Variants in CACNA1C observed in about 807,000 individuals in gnomAD.
CACNA1C encodes calcium voltage-gated channel subunit alpha1 C.
A neutral mutation model predicts 229.0 loss-of-function variants in CACNA1C; 30 were observed. The ratio of observed to expected loss-of-function variants is 0.13; its 90% CI spans 0.10 to 0.18. The LOEUF is 0.18. CACNA1C is among the 10% of genes least tolerant of loss of function. CACNA1C has a pLI of 1.00. For missense variants in CACNA1C, 1,658 were observed against 2,845.0 expected (o/e 0.58, Z 9.49); for synonymous variants, 1,114 against 1,132.5 (o/e 0.98, Z 0.33).
At chr12:2,662,753 T>C (rs891319994) in intron 34 of CACNA1C, among the ~76,000 whole-genome samples, 3 of 152,204 alleles carry the variant, frequency 2.0e-5, no homozygotes, top group African/African-American at 7.2e-5. Context: ...GGCAACTTAC[T>C]ATGCAGACAA....
At chr12:1,998,813 T>G (rs953816299) in intron 1 of CACNA1C, among the ~76,000 whole-genome samples, 13 of 152,248 alleles carry the variant, frequency 8.5e-5, no homozygotes, top group Non-Finnish European at 2.9e-5. Context: ...GAATTTAAAA[T>G]GTACTTTTGC....
chr12:1,991,406 G>A (rs1439628515), intron 1 of CACNA1C: 8 of 240,356 alleles, frequency 3.3e-5, no homozygotes, highest in East Asian at 2.0e-4. Context: ...GGGGAACCAC[G>A]AACGTGAGCC....
intron 1 of CACNA1C, among the ~76,000 whole-genome samples, chr12:1,998,966 C>G (rs2041560142): frequency 1.3e-5 from 2 of 152,178 alleles, no homozygotes; most frequent in Non-Finnish European, 2.9e-5. Flanking sequence ...AATGTCAAAA[C>G]AGCAGTTTTT....
intron 3 of CACNA1C, among the ~76,000 whole-genome samples, chr12:2,409,425 C>T (rs952650633): frequency 2.0e-5 from 3 of 152,174 alleles, no homozygotes; most frequent in Non-Finnish European, 4.4e-5. Context: ...TCAAGAGCAC[C>T]GTCAGACCAG....
intron 3 of CACNA1C, among the ~76,000 whole-genome samples, chr12:2,225,849 A>G (rs2062804605): frequency 6.6e-6 from 1 of 152,190 alleles, no homozygotes; most frequent in Non-Finnish European, 1.5e-5. Context: ...AGCTGGATGG[A>G]AACCACATGG....
At chr12:2,150,777 A>C (rs2095173471) in intron 3 of CACNA1C, among the ~76,000 whole-genome samples, 1 of 152,178 alleles carries the variant, frequency 6.6e-6, no homozygotes, top group African/African-American at 2.4e-5. Flanking sequence ...CTCTCCTTTG[A>C]GAGGTAGAGA....
At chr12:2,433,075 G>A (rs185544625) in intron 3 of CACNA1C, among the ~76,000 whole-genome samples, 205 of 152,344 alleles carry the variant, frequency 1.3e-3, no homozygotes, top group African/African-American at 4.0e-3. Context: ...CGCGTTTGAC[G>A]TGTGTGCTGA....
intron 5 of CACNA1C, among the ~76,000 whole-genome samples, chr12:2,466,328 C>T (rs537001609): frequency 2.8e-4 from 43 of 152,320 alleles, no homozygotes; most frequent in African/African-American, 1.0e-3. Context: ...CAGTTGGTGC[C>T]GCATTGTGCA....
chr12:2,345,713 T>C (rs2096993297), intron 3 of CACNA1C, among the ~76,000 whole-genome samples: 2 of 152,196 alleles, frequency 1.3e-5, no homozygotes, highest in South Asian at 4.1e-4. Context: ...TCTCTGCAGG[T>C]TGATCTAGGC....
intron 3 of CACNA1C, among the ~76,000 whole-genome samples, chr12:2,438,588 G>T (rs1220934593): frequency 1.3e-5 from 2 of 152,034 alleles, no homozygotes; most frequent in African/African-American, 4.8e-5. Flanking sequence ...TGCCTGGTTT[G>T]GGTGTGGTGA....
At chr12:2,135,134 T>C (rs1462207644) in intron 3 of CACNA1C, among the ~76,000 whole-genome samples, 1 of 148,200 alleles carries the variant, frequency 6.7e-6, no homozygotes, top group Non-Finnish European at 1.5e-5. Flanking sequence ...CATGTAGTTC[T>C]TGAGCCTTGG....
chr12:2,355,878 G>A (rs1337311527), intron 3 of CACNA1C, among the ~76,000 whole-genome samples: 9 of 152,208 alleles, frequency 5.9e-5, no homozygotes, highest in Non-Finnish European at 1.5e-5. Flanking sequence ...CAGCAGTGCT[G>A]AGCTGAGAGA....
At chr12:2,061,341 G>A (rs2057417843) in intron 1 of CACNA1C, among the ~76,000 whole-genome samples, 3 of 152,308 alleles carry the variant, frequency 2.0e-5, no homozygotes, top group South Asian at 4.1e-4. Context: ...CTTTGGAGGT[G>A]TTGTGGGAGG....
At chr12:2,142,903 T>TAC (rs2094391152) in intron 3 of CACNA1C, among the ~76,000 whole-genome samples, 1 of 151,362 alleles carries the variant, frequency 6.6e-6, no homozygotes, top group Admixed American at 6.6e-5. Context: ...TAAAAAAAAT[T>TAC]AAAAGGTTTG....
At chr12:2,550,707 G>A (rs754599882) in intron 10 of CACNA1C, 204 of 1,296,194 alleles carry the variant, frequency 1.6e-4, no homozygotes, top group Non-Finnish European at 1.6e-4. Context: ...GGCGGGGCAG[G>A]GCGGCATCTC....
At position 2,152,614 on chromosome 12, in the gene CACNA1C, C is replaced by T. The variant is rs991091925; in HGVS notation, c.477+32184C>T. Among the ~76,000 whole-genome samples, 1 of 152,314 alleles carries T rather than the reference C, an allele frequency of 6.6e-6. No homozygotes were observed. Among genetic ancestry groups the T allele is most frequent in the African/African-American group, 2.4e-5 (1 of 41,570 alleles). On this transcript the variant is annotated intron_variant, in intron 3 of 46. Coordinates refer to ENST00000399655, the MANE Select transcript of CACNA1C (RefSeq NM_000719.7). The surrounding 1 kb of genome is among the most constrained non-coding windows in gnomAD (Gnocchi z 4.2). ...CCCTGTTGTTTTGGTCTCTGTCAAC[C>T]ATGGTTCAATTCATAACTTAAGTTA...
At chr12:2,412,910 A>T (rs1027697581) in intron 3 of CACNA1C, among the ~76,000 whole-genome samples, 2 of 152,228 alleles carry the variant, frequency 1.3e-5, no homozygotes, top group Admixed American at 6.5e-5. Context: ...AAAGCATGCA[A>T]CTCTGTCCAA....
At chr12:2,413,558 C>T (rs1009681261) in intron 3 of CACNA1C, among the ~76,000 whole-genome samples, 2 of 152,224 alleles carry the variant, frequency 1.3e-5, no homozygotes, top group Non-Finnish European at 2.9e-5. Flanking sequence ...CATGCTGTTC[C>T]AAAGCCCGCT....
chr12:2,074,612 G>A (rs994702214), intron 1 of CACNA1C, among the ~76,000 whole-genome samples: 1 of 152,182 alleles, frequency 6.6e-6, no homozygotes, highest in Non-Finnish European at 1.5e-5. Context: ...CCCTCTCAGG[G>A]GGAGGAGACT....
Sources: gnomAD v4.1 joint callset for allele counts (sites outside exome capture counted in the v4.1 genomes callset) on GRCh38, gnomAD v4.1.1 for gene constraint, Gnocchi (gnomAD v3.1) non-coding constraint, MANE v1.5 for transcripts, NCBI Gene and HGNC (gene_info 2026-07-23, HGNC 2026-07-21) for gene names.